ADAMTS16: variants seen among roughly 807,000 people sequenced by gnomAD.
ADAMTS16 encodes the protein A disintegrin and metalloproteinase with thrombospondin motifs 16.
In ADAMTS16, 94 loss-of-function variants were observed where a neutral mutation model predicts 145.8. The observed-to-expected ratio is 0.64, with a 90% confidence interval of 0.55 to 0.77. ADAMTS16 has a LOEUF of 0.77. ADAMTS16 is among the 30% of genes least tolerant of loss of function. The pLI is 0.00. For missense variants in ADAMTS16, 1,585 were observed against 1,591.5 expected, an observed-to-expected ratio of 1.00 and a Z score of 0.07; for synonymous variants, 659 against 604.3, an observed-to-expected ratio of 1.09 and a Z score of -1.33.
At position 5,146,224 on chromosome 5, in the gene ADAMTS16, C is replaced by G; in HGVS notation, c.270C>G (p.Pro90=). 1.9e-6 allele frequency: 3 copies of G among 1,614,124 alleles called. No individual in the cohort carries two copies. The highest frequency in any genetic ancestry group is 2.5e-6 in the Non-Finnish European group (3 of 1,180,022). ...MHHQRRRRAV[P]VSEVESLHLR... ...ATCAGCGGCGGAGAAGAGCAGTGCC[C>G]GTGTCCGAGGTTGAGTCTCTTCACC... Residue 90 remains proline, a synonymous_variant, in exon 3 of 23, where the codon CCC becomes CCG. Coordinates refer to ENST00000274181, the MANE Select transcript of ADAMTS16 (RefSeq NM_139056.4).
chr5:5,230,756 A>G (rs1242950997), intron 11 of ADAMTS16, among the ~76,000 whole-genome samples: 1 of 152,228 alleles, frequency 6.6e-6, no homozygotes, highest in Non-Finnish European at 1.5e-5. Context: ...CAACGATGTT[A>G]TGATGCACAT....
chr5:5,173,185 T>C (rs115666058), intron 3 of ADAMTS16, among the ~76,000 whole-genome samples: 4,795 of 151,634 alleles, frequency 0.032, 266 homozygotes, highest in African/African-American at 0.11. Flanking sequence ...CTTGTTTTTT[T>C]TTTTTCTTAA....
intron 12 of ADAMTS16, among the ~76,000 whole-genome samples, chr5:5,233,967 T>A (rs866513912): frequency 1.8e-4 from 27 of 152,240 alleles, no homozygotes; most frequent in African/African-American, 6.5e-4. Context: ...CCAAAGTGTA[T>A]AAGTGTTCCT....
chr5:5,301,205 T>C (rs1286382954), intron 18 of ADAMTS16, among the ~76,000 whole-genome samples: 1 of 152,132 alleles, frequency 6.6e-6, no homozygotes, highest in Admixed American at 6.5e-5. Flanking sequence ...ACTTCAGTTG[T>C]GTATCACCTC....
In ADAMTS16 at chr5:5,221,849, G is replaced by A. The variant is rs148016859; in HGVS notation, c.1606-940G>A. 4.0e-3 allele frequency among the ~76,000 whole-genome samples: 609 copies of A among 152,290 alleles called. 2 individuals carry two copies. The highest frequency in any genetic ancestry group is 0.011 in the African/African-American group (454 of 41,556). ...AATGCCATCTTCCCAGCTGCACTAC[G>A]TCGATGTGTTTCACTGCCTTGCATT... On this transcript the variant is annotated intron_variant, in intron 10 of 22. Coordinates refer to ENST00000274181, the MANE Select transcript of ADAMTS16 (RefSeq NM_139056.4).
chr5:5,219,079 G>A (rs1736520206), intron 10 of ADAMTS16, among the ~76,000 whole-genome samples: 1 of 152,016 alleles, frequency 6.6e-6, no homozygotes. Flanking sequence ...TAGGTCTGTG[G>A]TACAGGCCTG....
Position 5,319,006 on chromosome 5 carries a change from G to A in ADAMTS16, c.3560-17G>A, listed in dbSNP as rs1441315394. The A allele has an allele frequency of 1.3e-6, 2 of 1,582,076 alleles. No individual in the cohort carries two copies. Among genetic ancestry groups the A allele is most frequent in the African/African-American group, 2.7e-5 (2 of 74,398 alleles). ...GCACTCGGGATCGCTGAGTAATGCA[G>A]CTCTGCTCATTTTCAGATGCCTTCT... On this transcript the variant is annotated splice_polypyrimidine_tract_variant and intron_variant, in intron 22 of 22. Transcript: ENST00000274181.
rs77912926 is a variant in ADAMTS16, at chr5:5,187,275, C to T, written c.964-450C>T. On this transcript the variant is annotated intron_variant, in intron 5 of 22. Coordinates refer to ENST00000274181, the MANE Select transcript of ADAMTS16 (RefSeq NM_139056.4). Reference sequence around the variant, plus strand: ...CATTTCCATTTCCATGATCCATCACCTCTGATATCACCTCTAATTGTGTCT... The same window carrying T: ...CATTTCCATTTCCATGATCCATCACTTCTGATATCACCTCTAATTGTGTCT... Among the ~76,000 whole-genome samples, 4 of 152,296 alleles carry T rather than the reference C, an allele frequency of 2.6e-5. No individual in the cohort carries two copies. In the South Asian group the frequency reaches 6.2e-4, roughly 24 times the overall value.
In ADAMTS16 at chr5:5,311,550, T is replaced by C. The variant is rs75274022; in HGVS notation, c.3411+4822T>C. Among the ~76,000 whole-genome samples, 33 of 103,282 alleles carry C rather than the reference T, an allele frequency of 3.2e-4. 2 individuals are homozygous for C. The highest frequency in any genetic ancestry group is 3.8e-4 in the Non-Finnish European group (17 of 44,454). 67.8% of individuals were successfully genotyped at this position (103,282 alleles called of 152,430 possible). On this transcript the variant is annotated intron_variant, in intron 21 of 22. Coordinates refer to ENST00000274181, the MANE Select transcript of ADAMTS16 (RefSeq NM_139056.4). ...GTTGCTGTGTATTAGTCTGCTCCTTTTTTTTTTTTTTTTTTGAGATGAAGC... is the reference window on the plus strand; with the variant it reads ...GTTGCTGTGTATTAGTCTGCTCCTTCTTTTTTTTTTTTTTTGAGATGAAGC...
At chr5:5,188,750 C>A (rs1735578688) in intron 6 of ADAMTS16, among the ~76,000 whole-genome samples, 1 of 152,104 alleles carries the variant, frequency 6.6e-6, no homozygotes, top group African/African-American at 2.4e-5. Context: ...ATGGTGGGGG[C>A]ATGTGTGGAC....
At chr5:5,241,211 G>A (rs1737281361) in intron 16 of ADAMTS16, among the ~76,000 whole-genome samples, 1 of 152,194 alleles carries the variant, frequency 6.6e-6, no homozygotes, top group East Asian at 1.9e-4. Context: ...CCTGTCAGGT[G>A]CAGGCATGGG....
intron 18 of ADAMTS16, among the ~76,000 whole-genome samples, chr5:5,298,778 C>T (rs1046587707): frequency 1.7e-4 from 26 of 152,204 alleles, no homozygotes; most frequent in African/African-American, 5.8e-4. Flanking sequence ...GTTGTAGTGT[C>T]TTCAAAAACC....
chr5:5,259,126 T>C (rs1296329025), intron 17 of ADAMTS16, among the ~76,000 whole-genome samples: 1 of 152,176 alleles, frequency 6.6e-6, no homozygotes, highest in Non-Finnish European at 1.5e-5. Flanking sequence ...CTGACAGCGA[T>C]AATTTTCTGG....
At position 5,182,082 on chromosome 5, in the gene ADAMTS16, A is replaced by G; in HGVS notation, c.540A>G (p.Leu180=). The G allele has an allele frequency of 6.2e-7, 1 of 1,613,618 alleles. No individual in the cohort carries two copies. The highest frequency in any genetic ancestry group is 8.5e-7 in the Non-Finnish European group (1 of 1,179,872). Residue 180 remains leucine (L), a synonymous_variant, in exon 4 of 23, where the codon CTA becomes CTG. Transcript: ENST00000274181. ...MIRTEEADYF[L]RPLPSHLSWK... ...GAACAGAAGAGGCAGATTACTTCCT[A>G]AGGCCACTTCCTTCACACCTCTCAT...
chr5:5,183,819 G>A (rs1258096023), intron 4 of ADAMTS16, among the ~76,000 whole-genome samples: 3 of 152,176 alleles, frequency 2.0e-5, no homozygotes, highest in African/African-American at 4.8e-5. Flanking sequence ...AGACACTTCA[G>A]AATTGTAATA....
intron 18 of ADAMTS16, among the ~76,000 whole-genome samples, chr5:5,263,879 T>C (rs574298909): frequency 6.6e-6 from 1 of 152,126 alleles, no homozygotes; most frequent in Non-Finnish European, 1.5e-5. Flanking sequence ...CCCGAGCTCT[T>C]GTCCACCATC....
intron 3 of ADAMTS16, among the ~76,000 whole-genome samples, chr5:5,147,729 A>G (rs1433616236): frequency 6.6e-6 from 1 of 152,220 alleles, no homozygotes; most frequent in Non-Finnish European, 1.5e-5. Context: ...CTCTTCATGA[A>G]ATGCACAAAA....
chr5:5,254,334 A>G (rs929110253), intron 17 of ADAMTS16, among the ~76,000 whole-genome samples: 10 of 152,046 alleles, frequency 6.6e-5, no homozygotes, highest in Admixed American at 3.9e-4. Context: ...CATGCGCCCT[A>G]TATTCTTTTA....
At chr5:5,267,263 T>C (rs1738274606) in intron 18 of ADAMTS16, among the ~76,000 whole-genome samples, 1 of 152,132 alleles carries the variant, frequency 6.6e-6, no homozygotes, top group Non-Finnish European at 1.5e-5. Context: ...CTCTTCTAAG[T>C]TTGTCGTCCC....
Sources: allele counts gnomAD v4.1 joint callset (sites outside exome capture counted in the v4.1 genomes callset), GRCh38; gene constraint gnomAD v4.1.1; transcripts MANE v1.5; gene names NCBI Gene and HGNC (gene_info 2026-07-23, HGNC 2026-07-21).